Variants in SLC25A48 observed in about 807,000 individuals in gnomAD.
SLC25A48 encodes the protein CTC-321K16.1.
SLC25A48 carries 29 observed loss-of-function variants against 32.2 expected under a neutral mutation model. That is an observed-to-expected ratio of 0.90 (90% confidence interval 0.67 to 1.23). The LOEUF (loss-of-function observed/expected upper bound fraction) is 1.23, where lower values mean the gene tolerates loss of function less well. Among genes scored for constraint, SLC25A48 ranks in the 50% most tolerant of loss-of-function variants. The pLI, the probability that SLC25A48 is intolerant of heterozygous loss-of-function variation, is 0.00. For synonymous variants in SLC25A48, 164 were observed against 172.3 expected, an observed-to-expected ratio of 0.95 and a Z score of 0.38; for missense variants, 399 against 422.7, an observed-to-expected ratio of 0.94 and a Z score of 0.49.
At chr5:135,800,510 TC>T (rs1561499501) in intron 3 of SLC25A48, among the ~76,000 whole-genome samples, 1 of 151,914 alleles carries the variant, frequency 6.6e-6, no homozygotes, top group Non-Finnish European at 1.5e-5. Context: ...AGTTTCAACA[TC>T]GCAGGGGGTG....
chr5:135,627,426 G>A (rs762579490), intron 1 of SLC25A48, among the ~76,000 whole-genome samples: 3 of 152,214 alleles, frequency 2.0e-5, no homozygotes, highest in Non-Finnish European at 4.4e-5. Flanking sequence ...CTGGGCTCTA[G>A]TAATGCTACC....
At chr5:135,676,478 C>G (rs913657161) in intron 3 of SLC25A48, among the ~76,000 whole-genome samples, 5 of 151,674 alleles carry the variant, frequency 3.3e-5, no homozygotes, top group Non-Finnish European at 7.4e-5. Context: ...CTGTTCTGAT[C>G]TTTATTATAT....
intron 3 of SLC25A48, among the ~76,000 whole-genome samples, chr5:135,708,358 A>T (rs558943062): frequency 4.6e-5 from 7 of 152,332 alleles, no homozygotes; most frequent in African/African-American, 1.7e-4. Flanking sequence ...GAGAGCTCAG[A>T]AATACTTCCC....
rs111477201 is a variant in SLC25A48, at chr5:135,791,860, G to C, written c.-520-20663G>C. Among the ~76,000 whole-genome samples, 201 of 151,640 alleles carry C rather than the reference G, an allele frequency of 1.3e-3. 1 individual carries two copies. Among genetic ancestry groups the C allele is most frequent in the African/African-American group, 4.6e-3 (191 of 41,398 alleles). ...TTGTGATATTATTCACAATTTTCTA[G>C]AGGTTTGTTACTTTTAATGTCACAG... On this transcript the variant is annotated intron_variant, in intron 3 of 10. Coordinates refer to the SLC25A48 transcript ENST00000646290.
At chr5:135,632,516 C>G (rs1752600643) in intron 2 of SLC25A48, among the ~76,000 whole-genome samples, 1 of 152,078 alleles carries the variant, frequency 6.6e-6, no homozygotes. Flanking sequence ...AGTTTCTGGC[C>G]AGAAAACAGA....
intron 3 of SLC25A48, among the ~76,000 whole-genome samples, chr5:135,742,997 T>C (rs184687045): frequency 9.4e-3 from 4 of 424 alleles, no homozygotes; most frequent in African/African-American, 0.014. Context: ...TCCCTTCCTC[T>C]CCCCTCCCTT....
intron 3 of SLC25A48, among the ~76,000 whole-genome samples, chr5:135,765,555 C>T (rs768780715): frequency 2.0e-5 from 3 of 149,350 alleles, no homozygotes; most frequent in African/African-American, 5.0e-5. Context: ...TTTTAATATC[C>T]AGGGGGAAAA....
chr5:135,627,744 A>T lies in SLC25A48; in HGVS notation c.-848-1493A>T, dbSNP rs1198390647. ...AGTCACCCAGTCCTATTATTACTGC[A>T]TGTGCATATACAGGTATTTTAGTGT... On this transcript the variant is annotated intron_variant, in intron 1 of 10. Transcript: ENST00000646290. Among the ~76,000 whole-genome samples the T allele has an allele frequency of 2.0e-5, 3 of 152,108 alleles. No individual in the cohort carries two copies. The East Asian group carries it at 5.8e-4, about 29-fold the overall frequency.
At chr5:135,764,005 G>A (rs1406844848) in intron 3 of SLC25A48, among the ~76,000 whole-genome samples, 1 of 152,074 alleles carries the variant, frequency 6.6e-6, no homozygotes, top group Non-Finnish European at 1.5e-5. Context: ...CCCGAGTGCG[G>A]GGGACAGGGT....
chr5:135,829,077 C>G (rs1758138907), intron 4 of SLC25A48, among the ~76,000 whole-genome samples: 1 of 152,308 alleles, frequency 6.6e-6, no homozygotes, highest in South Asian at 2.1e-4. Context: ...ATGGGTCTCC[C>G]CCAGCCCAGC....
intron 3 of SLC25A48, among the ~76,000 whole-genome samples, chr5:135,641,820 A>C (rs1233344454): frequency 3.9e-5 from 6 of 152,070 alleles, no homozygotes; most frequent in African/African-American, 7.2e-5. Context: ...CCAATACATC[A>C]CCATCATCCC....
At chr5:135,836,252 C>T (rs937688275) in intron 1 of SLC25A48, among the ~76,000 whole-genome samples, 8 of 152,134 alleles carry the variant, frequency 5.3e-5, no homozygotes, top group African/African-American at 1.7e-4. Context: ...CCCCGACTCA[C>T]AGCAAGTAGG....
intron 1 of SLC25A48, 128 bp from the exon 2 acceptor site, chr5:135,842,288 C>T (rs1759069551): frequency 1.1e-6 from 1 of 902,022 alleles, no homozygotes. Flanking sequence ...CACATTGGAG[C>T]CCACCCACTC....
intron 3 of SLC25A48, chr5:135,742,449 G>A (rs1423920229): frequency 6.5e-7 from 1 of 1,531,852 alleles, no homozygotes; most frequent in Non-Finnish European, 8.7e-7. Flanking sequence ...GGTTCCTGAG[G>A]TCTCACCTGT....
intron 3 of SLC25A48, among the ~76,000 whole-genome samples, chr5:135,721,669 A>C (rs1483233592): frequency 2.0e-5 from 3 of 151,188 alleles, no homozygotes; most frequent in Non-Finnish European, 4.4e-5. Flanking sequence ...TCCAAAAGCA[A>C]GCGTAAGAGC....
intron 1 of SLC25A48, among the ~76,000 whole-genome samples, chr5:135,586,192 G>A (rs112571747): frequency 0.025 from 3,764 of 152,162 alleles, 72 homozygotes; most frequent in Non-Finnish European, 0.038. Context: ...ACGGCCATAC[G>A]CTGCCTCCCA....
chr5:135,864,487 C>A (rs1001376057), intron 4 of SLC25A48, among the ~76,000 whole-genome samples: 6 of 152,086 alleles, frequency 3.9e-5, no homozygotes, highest in African/African-American at 4.8e-5. Flanking sequence ...AGGCAGGAAC[C>A]CTTGGAGCAT....
intron 7 of SLC25A48, among the ~76,000 whole-genome samples, chr5:135,886,133 T>C (rs1352947830): frequency 1.3e-5 from 2 of 152,168 alleles, no homozygotes; most frequent in Admixed American, 1.3e-4. Context: ...TGTAATGTTT[T>C]AATTTTTTTA....
intron 3 of SLC25A48, among the ~76,000 whole-genome samples, chr5:135,740,608 G>A (rs992160355): frequency 6.6e-6 from 1 of 152,166 alleles, no homozygotes; most frequent in African/African-American, 2.4e-5. Flanking sequence ...GTGTGATAAC[G>A]AACACTGAAA....
Sources: gnomAD v4.1 joint callset for allele counts (sites outside exome capture counted in the v4.1 genomes callset) on GRCh38, gnomAD v4.1.1 for gene constraint, MANE v1.5 for transcripts, NCBI Gene and HGNC (gene_info 2026-07-23, HGNC 2026-07-21) for gene names.